The following SUN2 variants were observed in gnomAD, a reference collection of about 807,000 sequenced individuals.
SUN2 encodes SUN domain-containing protein 2.
In SUN2, 60 loss-of-function variants were observed where a neutral mutation model predicts 100.0. That is an observed-to-expected ratio of 0.60 (90% CI 0.49 to 0.74). The LOEUF is 0.74. Among genes scored for constraint, SUN2 ranks in the 30% least tolerant of loss-of-function variants. The pLI, the probability that SUN2 is intolerant of heterozygous loss-of-function variation, is 0.00. For missense variants in SUN2, 834 were observed against 954.6 expected (o/e 0.87, Z 1.66); for synonymous variants, 367 against 403.3 (o/e 0.91, Z 1.08).
At chr22:38,749,084 A>G (rs2092924791) in intron 6 of SUN2, 1 of 350,504 alleles carries the variant, frequency 2.9e-6, no homozygotes, top group Non-Finnish European at 5.2e-6. Flanking sequence ...GTATGCAAAT[A>G]TAGAAAAAAA....
chr22:38,752,837 T>C (rs2092957569), intron 1 of SUN2, among the ~76,000 whole-genome samples, 172 bp from the exon 2 acceptor site: 1 of 152,172 alleles, frequency 6.6e-6, no homozygotes, highest in South Asian at 2.1e-4. Context: ...GGCAGGGATC[T>C]GTGAAGCACC....
Position 38,735,453 on chromosome 22 carries a change from T to A in SUN2, c.*814A>T. The A allele has an allele frequency of 3.2e-6, 1 of 308,218 alleles. No homozygotes were observed. Among genetic ancestry groups the A allele is most frequent in the Middle Eastern group, 1.2e-3 (1 of 802 alleles). 19.1% of individuals were successfully genotyped at this position (308,218 alleles called of 1,614,324 possible). Reference sequence around the variant, plus strand: ...CCCCAAAGACAGGTCTAGGTCTCCATACCCTGGGAGAATGTGGAAAGCAAG... The same window carrying A: ...CCCCAAAGACAGGTCTAGGTCTCCAAACCCTGGGAGAATGTGGAAAGCAAG... On this transcript the variant is annotated 3_prime_UTR_variant, in exon 18 of 18. Coordinates refer to ENST00000689035, the MANE Select transcript of SUN2 (RefSeq NM_015374.3).
At position 38,735,867 on chromosome 22, in the gene SUN2, C is replaced by T. The variant is rs181405279; in HGVS notation, c.*400G>A. On this transcript the variant is annotated 3_prime_UTR_variant, in exon 18 of 18. Coordinates refer to ENST00000689035, the MANE Select transcript of SUN2 (RefSeq NM_015374.3). ...TCGCTTCCTTGCCCAGGGGCAGAGG[C>T]AGCTCACCTAGCCCAGGCCGTAGCT... 2.7e-3 allele frequency: 474 copies of T among 177,628 alleles called. 2 individuals are homozygous for T. The highest frequency in any genetic ancestry group is 4.8e-3 in the Non-Finnish European group (390 of 81,290). 11.0% of individuals were successfully genotyped at this position (177,628 alleles called of 1,614,324 possible).
rs752150588 is a variant in SUN2 at position 38,738,940 on chromosome 22, G to A, written c.1712C>T (p.Thr571Met). 18 of 1,613,536 alleles carry A rather than the reference G, an allele frequency of 1.1e-5. No homozygotes were observed. The highest frequency in any genetic ancestry group is 9.3e-5 in the African/African-American group (7 of 74,906). Residue 571 changes from threonine to methionine, a missense_variant, in exon 15 of 18, where the codon ACG (threonine) becomes ATG (methionine). Around this residue, in one of 3 missense-constraint regions of SUN2, gnomAD observed 195 missense variants for 280.2 expected, o/e 0.70. Coordinates refer to ENST00000689035, the MANE Select transcript of SUN2 (RefSeq NM_015374.3). The surrounding 1 kb of genome is among the most constrained non-coding windows in gnomAD (Gnocchi z 6.6). ...TRCSETYETK[T>M]ALLSLFGIPL... ...GATGCCGAAGAGGCTGAGGAGGGCC[G>A]TCTTGGTCTCGTAGGTCTCAGAACA...
chr22:38,751,213 A>G lies in SUN2; in HGVS notation c.283T>C (p.Trp95Arg). The change falls in exon 3 of 18, where the codon TGG becomes CGG. Residue 95 changes from tryptophan (W) to arginine (R), a missense_variant. By Grantham distance (101) the Trp-to-Arg change is moderately radical (BLOSUM62 -3). Transcript: ENST00000689035. ...SLEELHGDAN[W>R]GEDLRVRRRR... ...GGACGGAGGGCTCCACACTCACCCCAGTTGGCGTCACCATGCAGTTCCTCC... is the reference window on the plus strand; with the variant it reads ...GGACGGAGGGCTCCACACTCACCCCGGTTGGCGTCACCATGCAGTTCCTCC... The G allele has an allele frequency of 6.2e-7, 1 of 1,612,334 alleles. No homozygotes were observed. The highest frequency in any genetic ancestry group is 1.7e-5 in the Admixed American group (1 of 59,928).
chr22:38,738,311 A>G lies in SUN2; in HGVS notation c.1948-46T>C, dbSNP rs750362951. ...AGTGGGGAGGGGCTGGAGCAGGGAG[A>G]ACACCCCTCCCCACTCCAATCCCTG... is the stretch of plus-strand genomic sequence containing the variant. On this transcript the variant is annotated intron_variant, in intron 16 of 17. Coordinates refer to ENST00000689035, the MANE Select transcript of SUN2 (RefSeq NM_015374.3). This position sits in a 1 kb window ranked among gnomAD's most constrained non-coding sequence, Gnocchi z 6.6. 1.3e-6 allele frequency: 2 copies of G among 1,516,746 alleles called. No homozygotes were observed. The highest frequency in any genetic ancestry group is 1.8e-6 in the Non-Finnish European group (2 of 1,096,568). The allele number at this position is 1,516,746 out of a possible 1,614,324, so 94.0% of individuals were successfully genotyped here.
rs139520290 is a variant in SUN2 at position 38,751,210 on chromosome 22, C to T, written c.286G>A (p.Gly96Ser). 3 of 1,611,916 alleles carry T rather than the reference C, an allele frequency of 1.9e-6. No homozygotes were observed. Among genetic ancestry groups the T allele is most frequent in the Non-Finnish European group, 2.5e-6 (3 of 1,178,380 alleles). Residue 96 changes from glycine (G) to serine (S), a missense_variant and splice_region_variant, in exon 3 of 18, where the codon GGT (glycine) becomes AGT (serine). By Grantham distance (56) the Gly-to-Ser change is moderately conservative. Around this residue, in one of 3 missense-constraint regions of SUN2, gnomAD observed 559 missense variants for 597.7 expected, o/e 0.94. Coordinates refer to ENST00000689035, the MANE Select transcript of SUN2 (RefSeq NM_015374.3). ...LEELHGDANW[G>S]EDLRVRRRRG... ...CCGGGACGGAGGGCTCCACACTCACCCCAGTTGGCGTCACCATGCAGTTCC... is the reference window on the plus strand; with the variant it reads ...CCGGGACGGAGGGCTCCACACTCACTCCAGTTGGCGTCACCATGCAGTTCC...
At position 38,737,864 on chromosome 22, in the gene SUN2, C is replaced by T. The variant is rs1478694998; in HGVS notation, c.2040+309G>A. 11 of 571,862 alleles carry T rather than the reference C, an allele frequency of 1.9e-5. No homozygotes were observed. The highest frequency in any genetic ancestry group is 1.1e-4 in the South Asian group (7 of 65,120). 35.4% of individuals were successfully genotyped at this position (571,862 alleles called of 1,614,324 possible). On this transcript the variant is annotated intron_variant, in intron 17 of 17. Coordinates refer to ENST00000689035, the MANE Select transcript of SUN2 (RefSeq NM_015374.3). This position sits in a 1 kb window ranked among gnomAD's most constrained non-coding sequence, Gnocchi z 4.1. ...CCCGCGCCCTGGCATGTGCTGGCGGCGGCTCCTCGAACGCCTCTCCCGGCC... is the reference window on the plus strand; with the variant it reads ...CCCGCGCCCTGGCATGTGCTGGCGGTGGCTCCTCGAACGCCTCTCCCGGCC...
In SUN2 at chr22:38,755,784, G is replaced by C; in HGVS notation, c.-59C>G. On this transcript the variant is annotated 5_prime_UTR_variant, in exon 1 of 18. Coordinates refer to ENST00000689035, the MANE Select transcript of SUN2 (RefSeq NM_015374.3). The surrounding 1 kb of genome is among the most constrained non-coding windows in gnomAD (Gnocchi z 5.7). ...TCACCTGCTGCCGCGGCGGCTTCTAGCCCGGCCGGGGGCGTCCGAGGCCAG... is the reference window on the plus strand; with the variant it reads ...TCACCTGCTGCCGCGGCGGCTTCTACCCCGGCCGGGGGCGTCCGAGGCCAG... 1.0e-6 allele frequency: 1 copy of C among 984,576 alleles called. No homozygotes were observed. Among genetic ancestry groups the C allele is most frequent in the South Asian group, 4.7e-5 (1 of 21,294 alleles). The allele number at this position is 984,576 out of a possible 1,614,324, so 61.0% of individuals were successfully genotyped here. A position where few individuals can be genotyped will look rare whatever the true frequency, so the allele number is the denominator to read the frequency against.
rs769810398 is a variant in SUN2 at position 38,738,580 on chromosome 22, TACTC to T, written c.1947+3_1947+6del. 2.5e-6 allele frequency: 4 copies of T among 1,611,358 alleles called. No homozygotes were observed. The highest frequency in any genetic ancestry group is 1.7e-5 in the Admixed American group (1 of 59,970). On this transcript the variant is annotated splice_donor_5th_base_variant and intron_variant, in intron 16 of 17. Transcript: ENST00000689035. The surrounding 1 kb of genome is among the most constrained non-coding windows in gnomAD (Gnocchi z 6.6). ...CCCTCTGGCCCCACCACAGGACAGA[TACTC>T]ACAAAGATGGCGAAGTCCTTGGGGG...
At chr22:38,752,694 G>A (rs765490693) in intron 1 of SUN2, 29 bp from the exon 2 acceptor site, 9 of 1,584,758 alleles carry the variant, frequency 5.7e-6, no homozygotes, top group East Asian at 2.3e-5. Context: ...AGGACTGGAT[G>A]TGAGGCCTGG....
Position 38,737,953 on chromosome 22 carries a change from A to G in SUN2, c.2040+220T>C, listed in dbSNP as rs531426989. ...CACCTCCTGGTGTCCTTTTCCAGGA[A>G]GCTTCCCTCATGCTGCCCTTCTGGA... On this transcript the variant is annotated intron_variant, in intron 17 of 17. Transcript: ENST00000689035. This position sits in a 1 kb window ranked among gnomAD's most constrained non-coding sequence, Gnocchi z 4.1. 4.3e-6 allele frequency: 3 copies of G among 694,870 alleles called. No individual in the cohort carries two copies. In the African/African-American group the frequency reaches 5.3e-5, roughly 12 times the overall value. 43.0% of individuals were successfully genotyped at this position (694,870 alleles called of 1,614,324 possible).
Position 38,737,875 on chromosome 22 carries a change from A to T in SUN2, c.2040+298T>A. 1 of 605,238 alleles carries T rather than the reference A, an allele frequency of 1.7e-6. No individual in the cohort carries two copies. Among genetic ancestry groups the T allele is most frequent in the Admixed American group, 2.1e-5 (1 of 46,558 alleles). The allele number at this position is 605,238 out of a possible 1,614,324, so 37.5% of individuals were successfully genotyped here. On this transcript the variant is annotated intron_variant, in intron 17 of 17. Coordinates refer to ENST00000689035, the MANE Select transcript of SUN2 (RefSeq NM_015374.3). The surrounding 1 kb of genome is among the most constrained non-coding windows in gnomAD (Gnocchi z 4.1). ...GCATGTGCTGGCGGCGGCTCCTCGAACGCCTCTCCCGGCCTTCCTTTCCTG... is the reference window on the plus strand; with the variant it reads ...GCATGTGCTGGCGGCGGCTCCTCGATCGCCTCTCCCGGCCTTCCTTTCCTG...
In SUN2 at chr22:38,739,597, G is replaced by A. The variant is rs2092836845; in HGVS notation, c.1578+125C>T. ...CCCACCCATGCCAGCCCCACAGCAT[G>A]CAAAGCCTCCTGCTTGGCACTTCCA... On this transcript the variant is annotated intron_variant, in intron 13 of 17. Coordinates refer to ENST00000689035, the MANE Select transcript of SUN2 (RefSeq NM_015374.3). This position sits in a 1 kb window ranked among gnomAD's most constrained non-coding sequence, Gnocchi z 6.7. 2 of 1,335,104 alleles carry A rather than the reference G, an allele frequency of 1.5e-6. No individual in the cohort carries two copies. The highest frequency in any genetic ancestry group is 2.1e-6 in the Non-Finnish European group (2 of 956,804). The allele number at this position is 1,335,104 out of a possible 1,614,324, so 82.7% of individuals were successfully genotyped here.
chr22:38,742,801 A>C (rs1172198446), intron 8 of SUN2: 1 of 500,804 alleles, frequency 2.0e-6, no homozygotes, highest in Non-Finnish European at 3.6e-6. Context: ...ACAGTACCGA[A>C]GTCTGATCCC....
At position 38,737,444 on chromosome 22, in the gene SUN2, G is replaced by T. The variant is rs2092816135; in HGVS notation, c.2040+729C>A. 6.6e-6 allele frequency among the ~76,000 whole-genome samples: 1 copy of T among 152,092 alleles called. No homozygotes were observed. The highest frequency in any genetic ancestry group is 2.1e-4 in the South Asian group (1 of 4,834). ...GGCTGCTTTCCCTCAACCACTTCCT[G>T]ACGGGTCTCCCAGGCCCAGGCTCGC... On this transcript the variant is annotated intron_variant, in intron 17 of 17. Coordinates refer to ENST00000689035, the MANE Select transcript of SUN2 (RefSeq NM_015374.3). This position sits in a 1 kb window ranked among gnomAD's most constrained non-coding sequence, Gnocchi z 4.1.
Position 38,739,213 on chromosome 22 carries a change from A to T in SUN2, c.1663+129T>A. The T allele has an allele frequency of 9.2e-7, 1 of 1,090,502 alleles. No individual in the cohort carries two copies. Among genetic ancestry groups the T allele is most frequent in the Non-Finnish European group, 1.4e-6 (1 of 721,000 alleles). The allele number at this position is 1,090,502 out of a possible 1,614,324, so 67.6% of individuals were successfully genotyped here. On this transcript the variant is annotated intron_variant, in intron 14 of 17. Transcript: ENST00000689035. This position sits in a 1 kb window ranked among gnomAD's most constrained non-coding sequence, Gnocchi z 6.7. ...ATTGCCACTTGCCTTTGTCATGGGTACTAGGTTGGGTGATTTCTGCTGATC... is the reference window on the plus strand; with the variant it reads ...ATTGCCACTTGCCTTTGTCATGGGTTCTAGGTTGGGTGATTTCTGCTGATC...
rs1475516281 is a variant in SUN2, at chr22:38,739,952, A to T, written c.1357-9T>A. The T allele has an allele frequency of 1.2e-6, 2 of 1,608,130 alleles. No individual in the cohort carries two copies. The highest frequency in any genetic ancestry group is 2.7e-5 in the African/African-American group (2 of 74,908). On this transcript the variant is annotated splice_polypyrimidine_tract_variant and intron_variant, in intron 12 of 17. Coordinates refer to ENST00000689035, the MANE Select transcript of SUN2 (RefSeq NM_015374.3). This position sits in a 1 kb window ranked among gnomAD's most constrained non-coding sequence, Gnocchi z 6.7. ...GGGAACTGAGATTCCACCTATAGGA[A>T]CCCAAAGGGGTGTCACCCTGGGGGG...
chr22:38,749,335 C>G (rs997930203), intron 6 of SUN2, among the ~76,000 whole-genome samples: 1 of 152,120 alleles, frequency 6.6e-6, no homozygotes, highest in Non-Finnish European at 1.5e-5. Flanking sequence ...CTTTGTGGCT[C>G]TGACCATGAG....
Sources: allele counts gnomAD v4.1 joint callset (sites outside exome capture counted in the v4.1 genomes callset), GRCh38; gene constraint gnomAD v4.1.1; regional missense constraint gnomAD v4.1.1; non-coding constraint Gnocchi (gnomAD v3.1); transcripts MANE v1.5; gene names NCBI Gene and HGNC (gene_info 2026-07-23, HGNC 2026-07-21).